Variants in RC3H2 observed in about 807,000 individuals in gnomAD.
The protein encoded by RC3H2 is roquin-2.
A neutral mutation model predicts 133.3 loss-of-function variants in RC3H2; 31 were observed. That is an observed-to-expected ratio of 0.23 (90% CI 0.17 to 0.31). The LOEUF (loss-of-function observed/expected upper bound fraction) is 0.31, where lower values mean the gene tolerates loss of function less well. Among genes scored for constraint, RC3H2 ranks in the 10% least tolerant of loss-of-function variants. The pLI, the probability that RC3H2 is intolerant of heterozygous loss-of-function variation, is 1.00. For missense variants in RC3H2, 1,175 were observed against 1,437.2 expected, an observed-to-expected ratio of 0.82 and a Z score of 2.95; for synonymous variants, 517 against 502.2, an observed-to-expected ratio of 1.03 and a Z score of -0.40.
chr9:122,890,519 G>A lies in RC3H2; in HGVS notation c.376C>T (p.Leu126=). The A allele has an allele frequency of 6.2e-7, 1 of 1,613,568 alleles. No individual in the cohort carries two copies. Among genetic ancestry groups the A allele is most frequent in the Non-Finnish European group, 8.5e-7 (1 of 1,179,498 alleles). ...AGTTTCCTTTGCATTGGACGGCTCA[G>A]TGCACTCTGGTTCAAGCTAGCTACA... ...KGVASLNQSA[L]SRPMQRKLVT... is the part of the protein sequence containing the mutation. Residue 126 remains leucine (L), a synonymous_variant, in exon 4 of 21, where the codon CTG becomes TTG. Coordinates refer to ENST00000357244, the MANE Select transcript of RC3H2 (RefSeq NM_001100588.3).
At chr9:122,888,660 C>T (rs2131481800) in intron 4 of RC3H2, among the ~76,000 whole-genome samples, 1 of 152,290 alleles carries the variant, frequency 6.6e-6, no homozygotes, top group South Asian at 2.1e-4. Context: ...ATACTTCTTC[C>T]TCATTTCTTT....
chr9:122,903,664 C>T (rs1237862799), intron 1 of RC3H2, among the ~76,000 whole-genome samples: 6 of 152,170 alleles, frequency 3.9e-5, no homozygotes, highest in Non-Finnish European at 5.9e-5. Context: ...ATAACATCTG[C>T]TTTTTCTAAA....
At chr9:122,870,093 G>A (rs897245686) in intron 9 of RC3H2, among the ~76,000 whole-genome samples, 50 of 151,964 alleles carry the variant, frequency 3.3e-4, no homozygotes, top group Non-Finnish European at 4.4e-4. Context: ...AATAAAACTT[G>A]GCCGGGCATG....
At position 122,851,310 on chromosome 9, in the gene RC3H2, T is replaced by C. The variant is rs774733515; in HGVS notation, c.3231+13A>G. The C allele has an allele frequency of 9.1e-5, 146 of 1,612,830 alleles. No individual in the cohort carries two copies. Among genetic ancestry groups the C allele is most frequent in the Non-Finnish European group, 7.8e-5 (92 of 1,178,780 alleles). On this transcript the variant is annotated intron_variant, in intron 19 of 20. Transcript: ENST00000357244. ...CAAACAAAGCCTCTCAATTATCTAA[T>C]TGTGGCACTTACTTCAATTGGTTCA...
Position 122,867,825 on chromosome 9 carries a change from C to T in RC3H2, c.1326-2168G>A, listed in dbSNP as rs1178585189. On this transcript the variant is annotated intron_variant, in intron 9 of 20. Coordinates refer to ENST00000357244, the MANE Select transcript of RC3H2 (RefSeq NM_001100588.3). ...CTGAGAAGTGAGGAGCCCCTCCGCC[C>T]GGCAGCCGGCCCATCTGAGAAGTGA... Among the ~76,000 whole-genome samples, 708 of 109,348 alleles carry T rather than the reference C, an allele frequency of 6.5e-3. 12 individuals carry two copies. The highest frequency in any genetic ancestry group is 0.025 in the African/African-American group (653 of 26,502). The allele number at this position is 109,348 out of a possible 152,430, so 71.7% of individuals were successfully genotyped here. A position where few individuals can be genotyped will look rare whatever the true frequency, so the allele number is the denominator to read the frequency against.
intron 9 of RC3H2, among the ~76,000 whole-genome samples, chr9:122,868,223 C>T (rs1396016538): frequency 5.9e-5 from 9 of 152,076 alleles, no homozygotes; most frequent in African/African-American, 2.2e-4. Context: ...GCCCGGCCAC[C>T]ACCCCGTCTG....
At chr9:122,857,834 C>A (rs1830303713) in intron 13 of RC3H2, 89 bp downstream of exon 13, 12 of 1,181,566 alleles carry the variant, frequency 1.0e-5, no homozygotes, top group Non-Finnish European at 1.5e-5. Flanking sequence ...TGCAAATATC[C>A]AACATAGCTA....
intron 14 of RC3H2, 37 bp from the exon 15 acceptor site, chr9:122,855,434 G>A: frequency 6.4e-7 from 1 of 1,552,086 alleles, no homozygotes. Flanking sequence ...AAGGACTGTT[G>A]GCAATTACTT....
rs1462045251 is a variant in RC3H2, at chr9:122,849,388, A to G, written c.*239T>C. 1 of 156,454 alleles carries G rather than the reference A, an allele frequency of 6.4e-6. No homozygotes were observed. Among genetic ancestry groups the G allele is most frequent in the Non-Finnish European group, 1.4e-5 (1 of 71,282 alleles). The allele number at this position is 156,454 out of a possible 1,614,324, so 9.7% of individuals were successfully genotyped here. On this transcript the variant is annotated 3_prime_UTR_variant, in exon 21 of 21. Coordinates refer to ENST00000357244, the MANE Select transcript of RC3H2 (RefSeq NM_001100588.3). ...TTGAAGCTTAAGTTAAATGTTGTCC[A>G]AATTCCAATCATTTCTGGAAAGTGA...
chr9:122,894,593 A>G (rs1174222533), intron 2 of RC3H2, among the ~76,000 whole-genome samples: 1 of 152,078 alleles, frequency 6.6e-6, no homozygotes, highest in Non-Finnish European at 1.5e-5. Context: ...GAACATGAAG[A>G]GAGAGGCTGG....
At chr9:122,862,875 CAGAG>C (rs1171103882) in intron 10 of RC3H2, among the ~76,000 whole-genome samples, 39 of 121,432 alleles carry the variant, frequency 3.2e-4, no homozygotes, top group African/African-American at 9.4e-4. Flanking sequence ...ACCTGGGTGA[CAGAG>C]AGACTCCATC....
intron 4 of RC3H2, among the ~76,000 whole-genome samples, chr9:122,887,301 G>T (rs1399511864): frequency 6.6e-6 from 1 of 151,952 alleles, no homozygotes; most frequent in African/African-American, 2.4e-5. Context: ...TCAATCCTTT[G>T]GAGTCATTCA....
intron 14 of RC3H2, 123 bp from the exon 15 acceptor site, chr9:122,855,520 C>T (rs1468922376): frequency 9.1e-6 from 9 of 987,138 alleles, no homozygotes; most frequent in Non-Finnish European, 1.3e-5. Context: ...CTAGACTCAA[C>T]GATAATCCAA....
At position 122,880,804 on chromosome 9, in the gene RC3H2, A is replaced by G; in HGVS notation, c.760-10T>C. On this transcript the variant is annotated splice_polypyrimidine_tract_variant and intron_variant, in intron 5 of 20. Coordinates refer to ENST00000357244, the MANE Select transcript of RC3H2 (RefSeq NM_001100588.3). ...CATCTCTTTTGGTAACCTAAAAAAT[A>G]GAAAAGAGAAAAATCAGAATTGGTC... is the stretch of plus-strand genomic sequence containing the variant. 2 of 1,598,610 alleles carry G rather than the reference A, an allele frequency of 1.3e-6. No individual in the cohort carries two copies. The highest frequency in any genetic ancestry group is 1.7e-6 in the Non-Finnish European group (2 of 1,166,182).
At chr9:122,871,512 G>GGA (rs1554771000) in intron 9 of RC3H2, among the ~76,000 whole-genome samples, 1 of 151,068 alleles carries the variant, frequency 6.6e-6, no homozygotes, top group Non-Finnish European at 1.5e-5. Flanking sequence ...TTAGTGGGGG[G>GGA]GGGGGTTTCA....
At position 122,851,681 on chromosome 9, in the gene RC3H2, T is replaced by C. The variant is rs1186837781; in HGVS notation, c.3118-245A>G. ...CTGACTGGTTTTCGTATTTTTTTGG[T>C]GGAGACGGGGTTTCGCTGTGATGGC... On this transcript the variant is annotated intron_variant, in intron 18 of 20. Transcript: ENST00000357244. 31 of 436,934 alleles carry C rather than the reference T, an allele frequency of 7.1e-5. No homozygotes were observed. The East Asian group carries it at 1.2e-3, about 17-fold the overall frequency. 27.1% of individuals were successfully genotyped at this position (436,934 alleles called of 1,614,324 possible). A position where few individuals can be genotyped will look rare whatever the true frequency, so the allele number is the denominator to read the frequency against.
At chr9:122,904,456 A>G (rs1832765379) in intron 1 of RC3H2, among the ~76,000 whole-genome samples, 1 of 152,236 alleles carries the variant, frequency 6.6e-6, no homozygotes, top group South Asian at 2.1e-4. Flanking sequence ...GATGCTTTCT[A>G]CCATTCTTCT....
chr9:122,895,836 C>G (rs1336701398), intron 2 of RC3H2, among the ~76,000 whole-genome samples: 1 of 152,126 alleles, frequency 6.6e-6, no homozygotes, highest in African/African-American at 2.4e-5. Flanking sequence ...ACCTGAAAAC[C>G]TATGGTAAGA....
At chr9:122,898,868 C>G (rs1464194958) in intron 1 of RC3H2, among the ~76,000 whole-genome samples, 1 of 151,458 alleles carries the variant, frequency 6.6e-6, no homozygotes, top group Non-Finnish European at 1.5e-5. Flanking sequence ...CAAGACTTAA[C>G]ATAAGTCTGA....
Sources: gnomAD v4.1 joint callset for allele counts (sites outside exome capture counted in the v4.1 genomes callset) on GRCh38, gnomAD v4.1.1 for gene constraint, MANE v1.5 for transcripts, NCBI Gene and HGNC (gene_info 2026-07-23, HGNC 2026-07-21) for gene names.